PRKAR1A: variants seen among roughly 807,000 people sequenced by gnomAD.
PRKAR1A encodes cAMP-dependent protein kinase type I-alpha regulatory subunit.
A neutral mutation model predicts 52.0 loss-of-function variants in PRKAR1A; 3 were observed. The ratio of observed to expected loss-of-function variants is 0.06; its 90% CI spans 0.03 to 0.15. PRKAR1A has a LOEUF of 0.15. PRKAR1A is among the 10% of genes least tolerant of loss of function. The pLI is 1.00. For synonymous variants in PRKAR1A, 188 were observed against 168.4 expected (o/e 1.12, Z -0.90); for missense variants, 240 against 477.4 (o/e 0.50, Z 4.63).
the PRKAR1A span, among the ~76,000 whole-genome samples, chr17:68,469,917 T>G: frequency 5.9e-5 from 9 of 152,182 alleles, no homozygotes; most frequent in African/African-American, 2.2e-4. Context: ...GAGGCATCGT[T>G]TTTTGTTTTT....
the PRKAR1A span, among the ~76,000 whole-genome samples, chr17:68,430,843 C>T: frequency 6.6e-6 from 1 of 152,188 alleles, no homozygotes; most frequent in Non-Finnish European, 1.5e-5. Context: ...CATATGAGTT[C>T]CCAGGAGCAG....
intron 7 of PRKAR1A, 40 bp from the exon 8 acceptor site, chr17:68,527,800 C>T: frequency 6.7e-7 from 1 of 1,485,032 alleles, no homozygotes; most frequent in Non-Finnish European, 9.4e-7. Context: ...GTGATAATTA[C>T]ACGTCTTGGG....
At chr17:68,457,365 G>A in the PRKAR1A span, 1 of 1,542,426 alleles carries the variant, frequency 6.5e-7, no homozygotes. Context: ...TGAAAGAGAA[G>A]CAGCTGAGCG....
intron 2 of PRKAR1A, among the ~76,000 whole-genome samples, chr17:68,519,091 C>T (rs1465973355): frequency 6.6e-6 from 1 of 152,170 alleles, no homozygotes; most frequent in African/African-American, 2.4e-5. Flanking sequence ...TCCAAACTTT[C>T]CCACATTTTC....
At chr17:68,487,915 A>G in the PRKAR1A span, among the ~76,000 whole-genome samples, 1 of 152,148 alleles carries the variant, frequency 6.6e-6, no homozygotes, top group African/African-American at 2.4e-5. Context: ...GTGAACAACA[A>G]TAATAATGAA....
intron 8 of PRKAR1A, 37 bp downstream of exon 8, chr17:68,527,937 A>C (rs2085841965): frequency 6.6e-7 from 1 of 1,524,236 alleles, no homozygotes. Flanking sequence ...CTAGTATGTG[A>C]GATACCCCTG....
the PRKAR1A span, among the ~76,000 whole-genome samples, chr17:68,484,563 C>T: frequency 4.6e-5 from 7 of 151,266 alleles, no homozygotes; most frequent in Non-Finnish European, 1.0e-4. Flanking sequence ...CTGACTAGAT[C>T]TTCCATTATA....
chr17:68,444,700 C>G, the PRKAR1A span: 1 of 829,252 alleles, frequency 1.2e-6, no homozygotes, highest in Non-Finnish European at 1.8e-6. Flanking sequence ...AAGCCTAAAG[C>G]AGAATTTTGA....
In PRKAR1A at chr17:68,527,749, T is replaced by G. The variant is rs75902973; in HGVS notation, c.709-91T>G. 6,649 of 1,147,096 alleles carry G rather than the reference T, an allele frequency of 5.8e-3. 254 individuals are homozygous for G. The African/African-American group carries it at 0.091, about 16-fold the overall frequency. 71.1% of individuals were successfully genotyped at this position (1,147,096 alleles called of 1,614,324 possible). A position where few individuals can be genotyped will look rare whatever the true frequency, so the allele number is the denominator to read the frequency against. On this transcript the variant is annotated intron_variant, in intron 7 of 10. Transcript: ENST00000589228. ...AGCTTTGACTTTCTGGTTTTAAAAT[T>G]TATTTGAAACTTAATATTTATTATT...
chr17:68,513,100 C>T (rs2085317671), intron 1 of PRKAR1A: 1 of 143,220 alleles, frequency 7.0e-6, no homozygotes, highest in Non-Finnish European at 1.5e-5. Flanking sequence ...TCCTCTTGTC[C>T]CCTTTCACCT....
At chr17:68,494,700 T>C in the PRKAR1A span, among the ~76,000 whole-genome samples, 3 of 152,074 alleles carry the variant, frequency 2.0e-5, no homozygotes, top group South Asian at 2.1e-4. Context: ...ACTTCTGTAA[T>C]GTAAGTGCCC....
chr17:68,457,911 C>T, the PRKAR1A span, among the ~76,000 whole-genome samples: 9 of 152,198 alleles, frequency 5.9e-5, no homozygotes, highest in Admixed American at 5.9e-4. Context: ...AGGAATGCGG[C>T]TGGGGCCAGA....
the PRKAR1A span, among the ~76,000 whole-genome samples, chr17:68,445,178 C>T: frequency 6.6e-6 from 1 of 152,124 alleles, no homozygotes; most frequent in Non-Finnish European, 1.5e-5. Context: ...CCTCGGCCTC[C>T]CAAAGTGCTG....
At chr17:68,437,488 A>C in the PRKAR1A span, among the ~76,000 whole-genome samples, 2 of 151,572 alleles carry the variant, frequency 1.3e-5, no homozygotes, top group African/African-American at 2.4e-5. Context: ...CTGGAGGTGG[A>C]GGCTGCAGTG....
At chr17:68,445,734 G>A in the PRKAR1A span, among the ~76,000 whole-genome samples, 5 of 152,246 alleles carry the variant, frequency 3.3e-5, no homozygotes, top group Non-Finnish European at 7.3e-5. Flanking sequence ...CCCAGTACAA[G>A]GGCAGACATC....
the PRKAR1A span, chr17:68,450,886 C>A: frequency 1.9e-6 from 3 of 1,611,996 alleles, no homozygotes; most frequent in East Asian, 6.7e-5. Context: ...ATGTAGACGT[C>A]CGGGATTTCA....
intron 11 of PRKAR1A, chr17:68,539,895 T>A: frequency 4.3e-6 from 7 of 1,614,164 alleles, no homozygotes; most frequent in Non-Finnish European, 4.2e-6. Flanking sequence ...CCTCTGGCGT[T>A]GTCAAGGTGA....
At chr17:68,466,619 C>T in the PRKAR1A span, among the ~76,000 whole-genome samples, 1 of 151,814 alleles carries the variant, frequency 6.6e-6, no homozygotes, top group East Asian at 1.9e-4. Flanking sequence ...GCCATGTTGA[C>T]CAGGCTTCTC....
At chr17:68,452,759 C>T in the PRKAR1A span, 10 of 609,594 alleles carry the variant, frequency 1.6e-5, no homozygotes, top group South Asian at 9.1e-5. Flanking sequence ...GTAGTGGCAA[C>T]GATTTATATT....
Sources: gnomAD v4.1 joint callset for allele counts (sites outside exome capture counted in the v4.1 genomes callset) on GRCh38, gnomAD v4.1.1 for gene constraint, MANE v1.5 for transcripts, NCBI Gene and HGNC (gene_info 2026-07-23, HGNC 2026-07-21) for gene names.